The following CTNNA3 variants were observed in gnomAD, a reference collection of about 807,000 sequenced individuals.
The protein encoded by CTNNA3 is catenin alpha-3.
Under a neutral mutation model 95.7 loss-of-function variants are expected in CTNNA3, and 76 were observed. That is an observed-to-expected ratio of 0.79 (90% confidence interval 0.66 to 0.96). The LOEUF (loss-of-function observed/expected upper bound fraction) is 0.96. Among genes scored for constraint, CTNNA3 ranks in the 40% least tolerant of loss-of-function variants. The probability of loss-of-function intolerance (pLI) is 0.00; values close to 1 mark genes in which losing one functional copy is unlikely to be tolerated. For missense variants in CTNNA3, 1,191 were observed against 1,089.8 expected (o/e 1.09, Z -1.31); for synonymous variants, 431 against 374.4 (o/e 1.15, Z -1.74).
chr10:66,876,177 G>C (rs949464738), intron 7 of CTNNA3, among the ~76,000 whole-genome samples: 4 of 152,146 alleles, frequency 2.6e-5, no homozygotes, highest in Admixed American at 2.0e-4. Context: ...ATGGGCCATA[G>C]GGTAGCTTCA....
chr10:66,042,308 C>A (rs981637638), intron 15 of CTNNA3, among the ~76,000 whole-genome samples: 23 of 152,258 alleles, frequency 1.5e-4, no homozygotes, highest in African/African-American at 5.1e-4. Context: ...GTGTCTATCT[C>A]TTCTAGATGG....
intron 1 of CTNNA3, among the ~76,000 whole-genome samples, chr10:67,726,446 A>ATTATATATAATATATAAT (rs1483078483): frequency 8.3e-4 from 15 of 18,036 alleles, no homozygotes; most frequent in African/African-American, 1.4e-3. Context: ...TATAATATAT[A>ATTATATATAATATATAAT]ATATTATATA....
chr10:66,540,896 A>T (rs1841827594), intron 10 of CTNNA3, among the ~76,000 whole-genome samples: 1 of 152,080 alleles, frequency 6.6e-6, no homozygotes, highest in Non-Finnish European at 1.5e-5. Context: ...TTTAAAAGGG[A>T]TGGTCTTCAT....
At chr10:66,212,759 T>C (rs2088250969) in intron 13 of CTNNA3, among the ~76,000 whole-genome samples, 1 of 152,208 alleles carries the variant, frequency 6.6e-6, no homozygotes, top group African/African-American at 2.4e-5. Context: ...ATCCCAGCAC[T>C]TTGGGAGGCC....
intron 7 of CTNNA3, among the ~76,000 whole-genome samples, chr10:67,051,647 G>A (rs535826541): frequency 6.6e-6 from 1 of 151,948 alleles, no homozygotes; most frequent in African/African-American, 2.4e-5. Flanking sequence ...CTCATGATCT[G>A]TCCACCTCAG....
At chr10:66,124,171 A>T (rs779518052) in intron 13 of CTNNA3, among the ~76,000 whole-genome samples, 1 of 151,978 alleles carries the variant, frequency 6.6e-6, no homozygotes, top group Non-Finnish European at 1.5e-5. Flanking sequence ...CCCAAGTCAC[A>T]TCTTGAATGC....
At chr10:66,367,585 G>A (rs2092718965) in intron 12 of CTNNA3, among the ~76,000 whole-genome samples, 1 of 149,588 alleles carries the variant, frequency 6.7e-6, no homozygotes, top group Non-Finnish European at 1.5e-5. Flanking sequence ...TGTTTGCCAT[G>A]TGACACTAAA....
intron 2 of CTNNA3, among the ~76,000 whole-genome samples, chr10:67,635,391 T>C (rs1839275658): frequency 6.6e-6 from 1 of 151,914 alleles, no homozygotes; most frequent in Non-Finnish European, 1.5e-5. Context: ...GGCCAAAATC[T>C]TTGATGAACA....
intron 13 of CTNNA3, among the ~76,000 whole-genome samples, chr10:66,187,653 T>C (rs1276835123): frequency 6.6e-6 from 1 of 151,956 alleles, no homozygotes; most frequent in Non-Finnish European, 1.5e-5. Flanking sequence ...TCTATCAATT[T>C]TTTAGCTAAC....
chr10:67,559,171 A>G (rs1841379707), intron 3 of CTNNA3, among the ~76,000 whole-genome samples: 5 of 152,214 alleles, frequency 3.3e-5, no homozygotes. Context: ...ATCTGAGAAC[A>G]GGCAGACTGC....
At chr10:66,247,572 T>TA (rs1336143034) in intron 13 of CTNNA3, among the ~76,000 whole-genome samples, 2 of 151,740 alleles carry the variant, frequency 1.3e-5, no homozygotes, top group African/African-American at 2.4e-5. Context: ...AGGTTGAAAA[T>TA]AAAAAAAGGA....
intron 5 of CTNNA3, among the ~76,000 whole-genome samples, chr10:67,253,097 C>G (rs185489974): frequency 2.0e-5 from 3 of 152,178 alleles, no homozygotes; most frequent in Non-Finnish European, 4.4e-5. Flanking sequence ...TCCCAACCAC[C>G]AGCATCACTA....
rs143741911 is a variant in CTNNA3, at chr10:67,643,134, T to G, written c.99+4281A>C. ...GGTACATATATACCATGGAATACTA[T>G]GCAGTCATAAAAAAGAACAAGTTCA... On this transcript the variant is annotated intron_variant, in intron 2 of 17. Coordinates refer to ENST00000433211, the MANE Select transcript of CTNNA3 (RefSeq NM_013266.4). Among the ~76,000 whole-genome samples, 91 of 152,302 alleles carry G rather than the reference T, an allele frequency of 6.0e-4. 2 individuals carry two copies. Among genetic ancestry groups the G allele is most frequent in the African/African-American group, 2.1e-3 (86 of 41,574 alleles).
At chr10:66,257,041 T>C (rs1876333) in intron 13 of CTNNA3, among the ~76,000 whole-genome samples, 67,885 of 151,824 alleles carry the variant, frequency 0.45, 16,316 homozygotes, top group African/African-American at 0.63. Context: ...GCCTTATCAA[T>C]CTACCTAACA....
At chr10:66,023,470 A>T (rs536995810) in intron 15 of CTNNA3, among the ~76,000 whole-genome samples, 1 of 152,322 alleles carries the variant, frequency 6.6e-6, no homozygotes, top group Non-Finnish European at 1.5e-5. Context: ...TACATCAGCA[A>T]ATTTTAACTT....
In CTNNA3 at chr10:67,514,855, C is replaced by T. The variant is rs188884934; in HGVS notation, c.579+6987G>A. Among the ~76,000 whole-genome samples, 278 of 152,064 alleles carry T rather than the reference C, an allele frequency of 1.8e-3. 4 individuals are homozygous for T. Among genetic ancestry groups the T allele is most frequent in the African/African-American group, 6.2e-3 (258 of 41,508 alleles). ...TATAAGCTGCCCACAACGCAAACTACTGTATAGCAAACAACCTTGTAAAAA... is the reference window on the plus strand; with the variant it reads ...TATAAGCTGCCCACAACGCAAACTATTGTATAGCAAACAACCTTGTAAAAA... On this transcript the variant is annotated intron_variant, in intron 5 of 17. Transcript: ENST00000433211.
intron 7 of CTNNA3, among the ~76,000 whole-genome samples, chr10:66,819,009 G>A (rs1842200427): frequency 6.7e-6 from 1 of 150,106 alleles, no homozygotes; most frequent in African/African-American, 2.5e-5. Context: ...AGACTCTCTT[G>A]AGCCACGGAG....
chr10:66,063,306 CTA>C (rs568701925), intron 15 of CTNNA3, among the ~76,000 whole-genome samples: 38 of 135,022 alleles, frequency 2.8e-4, no homozygotes, highest in East Asian at 1.4e-3. Context: ...ATCTCTCTCT[CTA>C]TATATATATA....
intron 13 of CTNNA3, among the ~76,000 whole-genome samples, chr10:66,160,087 G>A (rs1248946892): frequency 6.6e-6 from 1 of 151,878 alleles, no homozygotes; most frequent in African/African-American, 2.4e-5. Flanking sequence ...GGTTAATCTT[G>A]CTGATGGTTT....
Sources: allele counts gnomAD v4.1 joint callset (sites outside exome capture counted in the v4.1 genomes callset), GRCh38; gene constraint gnomAD v4.1.1; transcripts MANE v1.5; gene names NCBI Gene and HGNC (gene_info 2026-07-23, HGNC 2026-07-21).